ZNF780B: variants seen among roughly 807,000 people sequenced by gnomAD.
ZNF780B encodes the protein zinc finger protein 779.
A neutral mutation model predicts 74.1 loss-of-function variants in ZNF780B; 52 were observed. That is an observed-to-expected ratio of 0.70 (90% CI 0.56 to 0.88). The LOEUF is 0.88. Among genes scored for constraint, ZNF780B ranks in the 40% least tolerant of loss-of-function variants. The probability of loss-of-function intolerance (pLI) is 0.00; values close to 1 mark genes in which losing one functional copy is unlikely to be tolerated. For synonymous variants in ZNF780B, 315 were observed against 324.3 expected (o/e 0.97, Z 0.31); for missense variants, 953 against 1,007.6 (o/e 0.95, Z 0.73).
At position 40,035,799 on chromosome 19, in the gene ZNF780B, T is replaced by C. The variant is rs547157971; in HGVS notation, c.1060A>G (p.Ile354Val). Residue 354 changes from isoleucine (I) to valine (V), a missense_variant, in exon 5 of 5, where the codon ATT becomes GTT. Transcript: ENST00000434248. ...LLTKLVRHQK[I>V]HMGEKPFECR... The stretch of plus-strand genomic sequence containing the variant: ...TCAAAGGGCTTCTCACCCATATGAA[T>C]CTTCTGATGTCGAACAAGCTTTGTC... 8.1e-6 allele frequency: 13 copies of C among 1,614,152 alleles called. No homozygotes were observed. In the East Asian group the frequency reaches 1.6e-4, roughly 19 times the overall value.
chr19:40,043,207 C>A (rs1222779879), intron 4 of ZNF780B, among the ~76,000 whole-genome samples: 1 of 152,198 alleles, frequency 6.6e-6, no homozygotes, highest in African/African-American at 2.4e-5. Flanking sequence ...GCAGTGGCTG[C>A]AGAACAGTGG....
intron 1 of ZNF780B, among the ~76,000 whole-genome samples, chr19:40,053,362 A>G (rs1386784346): frequency 6.6e-6 from 1 of 152,206 alleles, no homozygotes; most frequent in Non-Finnish European, 1.5e-5. Context: ...CTACAATAAG[A>G]TATCACCTCA....
chr19:40,046,058 T>C (rs1046982437), intron 4 of ZNF780B, among the ~76,000 whole-genome samples: 13 of 151,582 alleles, frequency 8.6e-5, no homozygotes, highest in Non-Finnish European at 1.8e-4. Context: ...CTCACAGAGG[T>C]AAAGAATAGA....
chr19:40,050,480 G>A, intron 1 of ZNF780B, 103 bp from the exon 2 acceptor site: 1 of 1,145,650 alleles, frequency 8.7e-7, no homozygotes, highest in Non-Finnish European at 1.2e-6. Flanking sequence ...AACTACTCCT[G>A]CTCACACGCA....
chr19:40,036,989 C>T (rs770036446), intron 4 of ZNF780B, among the ~76,000 whole-genome samples: 5 of 151,598 alleles, frequency 3.3e-5, no homozygotes, highest in Admixed American at 2.6e-4. Flanking sequence ...GCTCACTGCA[C>T]CCTCTACCTC....
Position 40,035,626 on chromosome 19 carries a change from A to G in ZNF780B, c.1233T>C (p.His411=). The G allele has an allele frequency of 6.2e-7, 1 of 1,613,950 alleles. No individual in the cohort carries two copies. The highest frequency in any genetic ancestry group is 8.5e-7 in the Non-Finnish European group (1 of 1,180,008). ...TACATTCATATGGTTTTACATCAGC[A>G]TGAATACTCTGGTGTTGAATAAGGT... ...SSNLIQHQSI[H]ADVKPYECKE... The change falls in exon 5 of 5, where the codon CAT becomes CAC. Residue 411 remains histidine, a synonymous_variant. Transcript: ENST00000434248.
In ZNF780B at chr19:40,036,014, C is replaced by T. The variant is rs920066051; in HGVS notation, c.845G>A (p.Cys282Tyr). 1 of 1,614,098 alleles carries T rather than the reference C, an allele frequency of 6.2e-7. No homozygotes were observed. The highest frequency in any genetic ancestry group is 8.5e-7 in the Non-Finnish European group (1 of 1,180,024). The stretch of plus-strand genomic sequence containing the variant: ...TGAACCACGATTAAAGGCTTTCCCA[C>T]ACTCCTTACATTGATATGGTTTTAC... ...AGVKPYQCKE[C>Y]GKAFNRGSNL... The change falls in exon 5 of 5, where the codon TGT becomes TAT. Residue 282 changes from cysteine to tyrosine, a missense_variant. Physicochemically the swap from Cys to Tyr is radical, Grantham distance 194 (BLOSUM62 -2). Coordinates refer to ENST00000434248, the MANE Select transcript of ZNF780B (RefSeq NM_001005851.3).
chr19:40,052,061 TGAGTC>T (rs759079279), intron 1 of ZNF780B, among the ~76,000 whole-genome samples: 6 of 152,246 alleles, frequency 3.9e-5, no homozygotes, highest in Non-Finnish European at 7.3e-5. Context: ...CTTTATCACT[TGAGTC>T]TAGTATAATT....
chr19:40,048,851 G>T, intron 2 of ZNF780B, 55 bp from the exon 3 acceptor site: 2 of 1,609,272 alleles, frequency 1.2e-6, no homozygotes, highest in Non-Finnish European at 1.7e-6. Context: ...GTTTCAAGAC[G>T]AAAGGAGAGG....
chr19:40,046,389 G>A (rs1972933952), intron 4 of ZNF780B, among the ~76,000 whole-genome samples: 1 of 152,094 alleles, frequency 6.6e-6, no homozygotes, highest in Non-Finnish European at 1.5e-5. Context: ...TACAAATATT[G>A]GGTATCAATT....
chr19:40,046,607 G>A (rs2144799291), intron 4 of ZNF780B, among the ~76,000 whole-genome samples: 1 of 152,208 alleles, frequency 6.6e-6, no homozygotes, highest in Middle Eastern at 3.4e-3. Context: ...TTCCAGACAG[G>A]TACCCTAAGC....
chr19:40,033,861 C>T lies in ZNF780B; in HGVS notation c.*496G>A, dbSNP rs1015679247. The T allele has an allele frequency of 5.1e-6, 1 of 195,828 alleles. No individual in the cohort carries two copies. The highest frequency in any genetic ancestry group is 2.4e-5 in the African/African-American group (1 of 42,074). The allele number at this position is 195,828 out of a possible 1,614,324, so 12.1% of individuals were successfully genotyped here. ...TCCTTTACATTCACAGGGTTGCTCA[C>T]CAGTATGAATTTTAACATGTTGAAC... On this transcript the variant is annotated 3_prime_UTR_variant, in exon 5 of 5. Coordinates refer to ENST00000434248, the MANE Select transcript of ZNF780B (RefSeq NM_001005851.3).
At position 40,035,807 on chromosome 19, in the gene ZNF780B, T is replaced by G. The variant is rs1228170634; in HGVS notation, c.1052A>C (p.His351Pro). The part of the protein sequence containing the change: ...AFTLLTKLVR[H>P]QKIHMGEKPF... ...CTTCTCACCCATATGAATCTTCTGA[T>G]GTCGAACAAGCTTTGTCAGAAGAGT... Residue 351 changes from histidine to proline, a missense_variant, in exon 5 of 5, where the codon CAT becomes CCT. Transcript: ENST00000434248. 3 of 1,614,134 alleles carry G rather than the reference T, an allele frequency of 1.9e-6. No individual in the cohort carries two copies. Among genetic ancestry groups the G allele is most frequent in the African/African-American group, 1.3e-5 (1 of 75,024 alleles).
Position 40,029,887 on chromosome 19 carries a change from G to A in ZNF780B, c.*4470C>T, listed in dbSNP as rs987273187. ...AAAAAATGTAAATGGATTCCTACTGGCCACATTATGTCAATTTGAGCATAA... is the reference window on the plus strand; with the variant it reads ...AAAAAATGTAAATGGATTCCTACTGACCACATTATGTCAATTTGAGCATAA... On this transcript the variant is annotated 3_prime_UTR_variant, in exon 5 of 5. Coordinates refer to ENST00000434248, the MANE Select transcript of ZNF780B (RefSeq NM_001005851.3). 6.6e-6 allele frequency: 1 copy of A among 152,076 alleles called. No individual in the cohort carries two copies. Among genetic ancestry groups the A allele is most frequent in the African/African-American group, 2.4e-5 (1 of 41,394 alleles). The allele number at this position is 152,076 out of a possible 1,614,324, so 9.4% of individuals were successfully genotyped here.
Position 40,048,850 on chromosome 19 carries a change from C to T in ZNF780B, c.10-54G>A, listed in dbSNP as rs114343079. On this transcript the variant is annotated intron_variant, in intron 2 of 4. Transcript: ENST00000434248. ...GAAATTGAAGAAAGTTGTTTCAAGA[C>T]GAAAGGAGAGGAAGTGAAGGATTAA... is the stretch of plus-strand genomic sequence containing the variant. The T allele has an allele frequency of 3.5e-3, 5,641 of 1,609,662 alleles. 11 individuals are homozygous for T. Among genetic ancestry groups the T allele is most frequent in the Admixed American group, 4.4e-3 (260 of 59,384 alleles).
intron 2 of ZNF780B, among the ~76,000 whole-genome samples, chr19:40,049,329 T>C (rs547460114): frequency 9.2e-5 from 14 of 151,612 alleles, no homozygotes; most frequent in Non-Finnish European, 1.9e-4. Flanking sequence ...ATAGCAAAAG[T>C]ATTTTTTCTT....
rs889962911 is a variant in ZNF780B, at chr19:40,035,153, C to A, written c.1706G>T (p.Gly569Val). The A allele has an allele frequency of 3.1e-6, 5 of 1,613,292 alleles. No individual in the cohort carries two copies. Among genetic ancestry groups the A allele is most frequent in the Admixed American group, 1.7e-5 (1 of 59,972 alleles). Residue 569 changes from glycine to valine, a missense_variant, in exon 5 of 5, where the codon GGT becomes GTT. Transcript: ENST00000434248. ...ACTTCGATGTTGATTAAGATTTGAA[C>A]CACGACGAAAGAATTTCCCACATTC... ...CKECGKFFRR[G>V]SNLNQHRSIH...
intron 4 of ZNF780B, among the ~76,000 whole-genome samples, chr19:40,043,714 G>C (rs1972784177): frequency 6.6e-6 from 1 of 152,242 alleles, no homozygotes; most frequent in African/African-American, 2.4e-5. Context: ...GCCATGTGCG[G>C]GATATAATCT....
chr19:40,053,811 A>G (rs1420460114), intron 1 of ZNF780B, among the ~76,000 whole-genome samples: 1 of 152,228 alleles, frequency 6.6e-6, no homozygotes, highest in African/African-American at 2.4e-5. Flanking sequence ...CAAGCACAGA[A>G]AGGCAGATGA....
Sources: allele counts gnomAD v4.1 joint callset (sites outside exome capture counted in the v4.1 genomes callset), GRCh38; gene constraint gnomAD v4.1.1; transcripts MANE v1.5; gene names NCBI Gene and HGNC (gene_info 2026-07-23, HGNC 2026-07-21).